BMP6: variants seen among roughly 807,000 people sequenced by gnomAD.
The protein encoded by BMP6 is bone morphogenetic protein 6.
In BMP6, 17 loss-of-function variants were observed where a neutral mutation model predicts 54.1. The observed-to-expected ratio is 0.31, with a 90% confidence interval of 0.22 to 0.47. The LOEUF is 0.47. Ranked by LOEUF, BMP6 falls within the 20% of genes least tolerant of loss-of-function variation. The probability of loss-of-function intolerance (pLI) is 1.00; values close to 1 mark genes in which losing one functional copy is unlikely to be tolerated. For missense variants in BMP6, 720 were observed against 690.4 expected (o/e 1.04, Z -0.48); for synonymous variants, 328 against 291.2 (o/e 1.13, Z -1.28).
chr6:7,802,169 C>T (rs1034377853), intron 1 of BMP6, among the ~76,000 whole-genome samples: 1 of 152,172 alleles, frequency 6.6e-6, no homozygotes, highest in Non-Finnish European at 1.5e-5. Context: ...CAGTTCATCT[C>T]TTTGTGTCTG....
chr6:7,832,084 A>G (rs1364194827), intron 1 of BMP6, among the ~76,000 whole-genome samples: 2 of 152,194 alleles, frequency 1.3e-5, no homozygotes, highest in Non-Finnish European at 2.9e-5. Flanking sequence ...TAGGGGTTTG[A>G]TGCTGAAGAT....
intron 1 of BMP6, among the ~76,000 whole-genome samples, chr6:7,744,132 A>G (rs1423416265): frequency 1.3e-5 from 2 of 152,232 alleles, no homozygotes; most frequent in African/African-American, 4.8e-5. Context: ...TATTCTGTTT[A>G]TCCATCCATT....
intron 1 of BMP6, among the ~76,000 whole-genome samples, chr6:7,840,280 G>A (rs1758948585): frequency 6.6e-6 from 1 of 152,188 alleles, no homozygotes; most frequent in South Asian, 2.1e-4. Context: ...GGGCAGGGGA[G>A]TGATAAACAT....
At position 7,861,464 on chromosome 6, in the gene BMP6, T is replaced by C. The variant is rs765915123; in HGVS notation, c.871T>C (p.Phe291Leu). 2 of 1,614,048 alleles carry C rather than the reference T, an allele frequency of 1.2e-6. No individual in the cohort carries two copies. The highest frequency in any genetic ancestry group is 1.7e-6 in the Non-Finnish European group (2 of 1,179,958). ...QEHQHRDSDL[F>L]LLDTRVVWAS... ...TCTTTCTTTCAGAGACTCTGACCTG[T>C]TTTTGTTGGACACCCGTGTAGTATG... Residue 291 changes from phenylalanine to leucine, a missense_variant, in exon 3 of 7, where the codon TTT (phenylalanine) becomes CTT (leucine). Around this residue, in one of 3 missense-constraint regions of BMP6, gnomAD observed 650 missense variants for 556.3 expected, o/e 1.17. Transcript: ENST00000283147.
At chr6:7,813,458 CAAAAAAA>C (rs58314970) in intron 1 of BMP6, among the ~76,000 whole-genome samples, 89 of 64,370 alleles carry the variant, frequency 1.4e-3, no homozygotes, top group Middle Eastern at 0.016. Context: ...CCTGTCTCTA[CAAAAAAA>C]AAAAAAAAAA....
chr6:7,820,800 T>C (rs2113223304), intron 1 of BMP6, among the ~76,000 whole-genome samples: 1 of 152,290 alleles, frequency 6.6e-6, no homozygotes, highest in Non-Finnish European at 1.5e-5. Context: ...CATTTTTCCA[T>C]GGACCAGGTG....
intron 2 of BMP6, among the ~76,000 whole-genome samples, chr6:7,859,846 C>T (rs576114096): frequency 6.6e-6 from 1 of 152,250 alleles, no homozygotes; most frequent in South Asian, 2.1e-4. Context: ...TTAACTGTGC[C>T]TACTGTTTAT....
chr6:7,814,304 CT>C (rs1561780562), intron 1 of BMP6, among the ~76,000 whole-genome samples: 1 of 152,194 alleles, frequency 6.6e-6, no homozygotes, highest in African/African-American at 2.4e-5. Flanking sequence ...GACATGACAT[CT>C]CATCATGTTT....
chr6:7,762,432 G>C (rs1367129058), intron 1 of BMP6, among the ~76,000 whole-genome samples: 1 of 152,202 alleles, frequency 6.6e-6, no homozygotes, highest in Non-Finnish European at 1.5e-5. Flanking sequence ...TTTCGCAGTA[G>C]TCCTGGGCAC....
intron 1 of BMP6, among the ~76,000 whole-genome samples, chr6:7,768,619 G>C (rs270393): frequency 0.71 from 107,922 of 151,890 alleles, 39,497 homozygotes; most frequent in Non-Finnish European, 0.81. Flanking sequence ...TCTTATTTTT[G>C]CCCCGTTCTT....
intron 1 of BMP6, among the ~76,000 whole-genome samples, chr6:7,839,938 A>G (rs1171636969): frequency 6.6e-6 from 1 of 152,240 alleles, no homozygotes; most frequent in Admixed American, 6.5e-5. Context: ...CAAGGGTTCT[A>G]GTTTCTCTAA....
intron 3 of BMP6, among the ~76,000 whole-genome samples, chr6:7,862,048 G>C (rs552076267): frequency 1.3e-5 from 2 of 152,286 alleles, no homozygotes; most frequent in South Asian, 4.2e-4. Flanking sequence ...TCATAATCTA[G>C]CAGAAACAGG....
At chr6:7,748,527 G>A (rs1757378038) in intron 1 of BMP6, among the ~76,000 whole-genome samples, 2 of 152,202 alleles carry the variant, frequency 1.3e-5, no homozygotes, top group African/African-American at 4.8e-5. Flanking sequence ...CACTTGAGCA[G>A]CTCATGCTTA....
At chr6:7,850,938 AT>A (rs1759133417) in intron 2 of BMP6, among the ~76,000 whole-genome samples, 1 of 152,154 alleles carries the variant, frequency 6.6e-6, no homozygotes, top group African/African-American at 2.4e-5. Flanking sequence ...AGGTGACTAT[AT>A]ATGTGTGAGT....
intron 1 of BMP6, among the ~76,000 whole-genome samples, chr6:7,790,576 G>A (rs958796627): frequency 6.7e-6 from 1 of 149,510 alleles, no homozygotes; most frequent in African/African-American, 2.5e-5. Flanking sequence ...GTTCTTGTTG[G>A]GGTGTGTGTA....
At chr6:7,879,512 T>C (rs1759675449) in intron 5 of BMP6, among the ~76,000 whole-genome samples, 1 of 152,246 alleles carries the variant, frequency 6.6e-6, no homozygotes, top group South Asian at 2.1e-4. Flanking sequence ...AATTACCTAA[T>C]GGTTAACATC....
At chr6:7,734,295 T>G (rs1239907982) in intron 1 of BMP6, among the ~76,000 whole-genome samples, 1 of 152,218 alleles carries the variant, frequency 6.6e-6, no homozygotes, top group Non-Finnish European at 1.5e-5. Context: ...GCTTGAAAAG[T>G]TCTCGCATAT....
chr6:7,874,981 C>G (rs941575979), intron 4 of BMP6, among the ~76,000 whole-genome samples: 3 of 151,982 alleles, frequency 2.0e-5, no homozygotes, highest in Admixed American at 2.0e-4. Context: ...CAGGCAATTA[C>G]GGAGGCCAAG....
intron 2 of BMP6, among the ~76,000 whole-genome samples, chr6:7,847,392 G>A (rs1264985781): frequency 1.3e-5 from 2 of 152,262 alleles, no homozygotes; most frequent in Admixed American, 6.5e-5. Context: ...GCCTCCTGCC[G>A]CCTCCTAGCG....
Sources: gnomAD v4.1 joint callset for allele counts (sites outside exome capture counted in the v4.1 genomes callset) on GRCh38, gnomAD v4.1.1 for gene constraint, gnomAD v4.1.1 regional missense constraint, MANE v1.5 for transcripts, NCBI Gene and HGNC (gene_info 2026-07-23, HGNC 2026-07-21) for gene names.